MICU3: variants seen among roughly 807,000 people sequenced by gnomAD.
MICU3 encodes the protein mitochondrial calcium uptake 3.
MICU3 carries 62 observed loss-of-function variants against 66.5 expected under a neutral mutation model. The observed-to-expected ratio is 0.93, with a 90% confidence interval of 0.76 to 1.15. The LOEUF is 1.15. Among genes scored for constraint, MICU3 ranks in the 50% most tolerant of loss-of-function variants. MICU3 has a pLI of 0.00. For missense variants in MICU3, 779 were observed against 664.4 expected (o/e 1.17, Z -1.90); for synonymous variants, 308 against 240.7 (o/e 1.28, Z -2.59).
At chr8:17,116,229 A>G (rs1382980799) in intron 12 of MICU3, among the ~76,000 whole-genome samples, 2 of 152,218 alleles carry the variant, frequency 1.3e-5, no homozygotes, top group Admixed American at 6.5e-5. Flanking sequence ...ATGTGAATGC[A>G]TTATTAACCT....
At chr8:17,080,052 A>G (rs1217063116) in intron 4 of MICU3, among the ~76,000 whole-genome samples, 1 of 152,028 alleles carries the variant, frequency 6.6e-6, no homozygotes, top group Non-Finnish European at 1.5e-5. Flanking sequence ...CTCTGTTTCT[A>G]AAGATCACAC....
At chr8:17,088,444 G>C (rs984797439) in intron 7 of MICU3, among the ~76,000 whole-genome samples, 3 of 151,896 alleles carry the variant, frequency 2.0e-5, no homozygotes, top group Non-Finnish European at 4.4e-5. Context: ...TTTATTTCTT[G>C]TAAATAATAT....
At chr8:17,105,668 T>C (rs2150814360) in intron 11 of MICU3, 84 bp downstream of exon 11, 1 of 714,612 alleles carries the variant, frequency 1.4e-6, no homozygotes, top group Non-Finnish European at 2.2e-6. Context: ...GTTAGTTCTT[T>C]GGCTTCTCTG....
At chr8:17,127,655 C>T in the MICU3 span, among the ~76,000 whole-genome samples, 1 of 152,144 alleles carries the variant, frequency 6.6e-6, no homozygotes, top group African/African-American at 2.4e-5. Flanking sequence ...TAAATTGCCA[C>T]ATAAAGATGT....
intron 8 of MICU3, among the ~76,000 whole-genome samples, chr8:17,093,344 T>C (rs536820743): frequency 6.6e-6 from 1 of 152,024 alleles, no homozygotes; most frequent in South Asian, 2.1e-4. Flanking sequence ...ACAGAAAACA[T>C]ACCAGTTTTT....
chr8:17,130,886 C>G, the MICU3 span, among the ~76,000 whole-genome samples: 41 of 152,224 alleles, frequency 2.7e-4, no homozygotes, highest in African/African-American at 8.7e-4. Context: ...AACTAAAACT[C>G]AGATGTTAAT....
At chr8:17,118,574 C>T (rs187155108) in intron 13 of MICU3, 133 bp from the exon 14 acceptor site, 2 of 502,966 alleles carry the variant, frequency 4.0e-6, no homozygotes, top group African/African-American at 3.9e-5. Context: ...AGTCCCCCAG[C>T]CTTCCAGCCT....
At chr8:17,097,761 T>G (rs144804378) in intron 8 of MICU3, among the ~76,000 whole-genome samples, 1 of 151,804 alleles carries the variant, frequency 6.6e-6, no homozygotes, top group Non-Finnish European at 1.5e-5. Context: ...AGGCTTGCAG[T>G]TTGACATCTT....
At chr8:17,036,094 CTG>C (rs1318054500) in intron 1 of MICU3, among the ~76,000 whole-genome samples, 1 of 152,130 alleles carries the variant, frequency 6.6e-6, no homozygotes, top group Admixed American at 6.5e-5. Flanking sequence ...CGTCTGGAGT[CTG>C]TCCCTTCTGA....
intron 1 of MICU3, among the ~76,000 whole-genome samples, chr8:17,053,354 T>C: frequency 6.6e-6 from 1 of 152,190 alleles, no homozygotes. Context: ...AACTAGACCT[T>C]AACACAGAGT....
chr8:17,057,149 G>A (rs1817069430), intron 1 of MICU3, among the ~76,000 whole-genome samples: 1 of 152,220 alleles, frequency 6.6e-6, no homozygotes, highest in Non-Finnish European at 1.5e-5. Flanking sequence ...TTAGAAAGAA[G>A]CATTAAGGAG....
intron 1 of MICU3, among the ~76,000 whole-genome samples, chr8:17,035,799 G>C (rs1812873051): frequency 6.6e-6 from 1 of 152,170 alleles, no homozygotes; most frequent in African/African-American, 2.4e-5. Context: ...TGATAGAAAA[G>C]AAAACCCCAT....
intron 1 of MICU3, among the ~76,000 whole-genome samples, chr8:17,029,639 C>A (rs141226667): frequency 0.012 from 1,802 of 152,230 alleles, 23 homozygotes; most frequent in South Asian, 0.045. Context: ...TTCTGATTGT[C>A]ATGCCTTTTG....
intron 1 of MICU3, among the ~76,000 whole-genome samples, chr8:17,036,202 T>C (rs1440520310): frequency 6.6e-6 from 1 of 152,020 alleles, no homozygotes; most frequent in Non-Finnish European, 1.5e-5. Context: ...GTGTTACAGC[T>C]CTTAGGGTAG....
chr8:17,047,537 A>C (rs1291385852), intron 1 of MICU3, among the ~76,000 whole-genome samples: 15 of 152,218 alleles, frequency 9.9e-5, no homozygotes, highest in Admixed American at 8.5e-4. Flanking sequence ...AAAAATATTT[A>C]GTCACATTGA....
intron 1 of MICU3, among the ~76,000 whole-genome samples, chr8:17,033,049 G>T (rs992482847): frequency 6.6e-6 from 1 of 151,924 alleles, no homozygotes; most frequent in Non-Finnish European, 1.5e-5. Context: ...CCCTCTTCTC[G>T]GGCCTCCCTG....
At chr8:17,113,964 G>T in intron 11 of MICU3, 129 bp from the exon 12 acceptor site, 1 of 542,166 alleles carries the variant, frequency 1.8e-6, no homozygotes, top group Non-Finnish European at 3.2e-6. Flanking sequence ...ACGTCAAAAT[G>T]TGCCCTGGAA....
chr8:17,137,166 T>G, the MICU3 span, among the ~76,000 whole-genome samples: 1 of 152,036 alleles, frequency 6.6e-6, no homozygotes, highest in Non-Finnish European at 1.5e-5. Context: ...CGTAAAGGCT[T>G]CTAGCCCAAA....
rs368844530 is a variant in MICU3, at chr8:17,064,246, A to G, written c.535+9A>G. On this transcript the variant is annotated intron_variant, in intron 2 of 14. Coordinates refer to ENST00000318063, the MANE Select transcript of MICU3 (RefSeq NM_181723.3). ...AACAGATGAGCCCAAAGGTAAGTACACTTTTGAAATTATCTTAATAATTGT... is the reference window on the plus strand; with the variant it reads ...AACAGATGAGCCCAAAGGTAAGTACGCTTTTGAAATTATCTTAATAATTGT... The G allele has an allele frequency of 4.8e-5, 77 of 1,594,182 alleles. No individual in the cohort carries two copies. In the African/African-American group the frequency reaches 8.6e-4, roughly 18 times the overall value.
Sources: allele counts gnomAD v4.1 joint callset (sites outside exome capture counted in the v4.1 genomes callset), GRCh38; gene constraint gnomAD v4.1.1; transcripts MANE v1.5; gene names NCBI Gene and HGNC (gene_info 2026-07-23, HGNC 2026-07-21).